Variants in SKIL observed in about 807,000 individuals in gnomAD.
The protein encoded by SKIL is SKI like proto-oncogene, also known as ski-like protein.
Under a neutral mutation model 69.6 loss-of-function variants are expected in SKIL, and 20 were observed. That is an observed-to-expected ratio of 0.29 (90% CI 0.20 to 0.42). SKIL has a LOEUF of 0.42. Among genes scored for constraint, SKIL ranks in the 10% least tolerant of loss-of-function variants. The pLI, the probability that SKIL is intolerant of heterozygous loss-of-function variation, is 1.00. For synonymous variants in SKIL, 310 were observed against 279.9 expected (o/e 1.11, Z -1.08); for missense variants, 745 against 783.1 (o/e 0.95, Z 0.58).
rs1299200902 is a variant in SKIL at position 170,360,773 on chromosome 3, G to A, written c.442G>A (p.Val148Met). Reference protein sequence around the residue: ...SDSSTELTQTVLEGESISCFQ... With the variant: ...SDSSTELTQTMLEGESISCFQ... Reference sequence around the variant, plus strand: ...TAGCTCCACAGAACTCACTCAGACTGTGTTGGAAGGGGAATCTATTTCTTG... The same window carrying A: ...TAGCTCCACAGAACTCACTCAGACTATGTTGGAAGGGGAATCTATTTCTTG... The change falls in exon 2 of 7, where the codon GTG becomes ATG. Residue 148 changes from valine to methionine, a missense_variant. Physicochemically the swap from Val to Met is conservative, Grantham distance 21. Transcript: ENST00000259119. 3.2e-5 allele frequency: 51 copies of A among 1,614,048 alleles called. No homozygotes were observed. Among genetic ancestry groups the A allele is most frequent in the Non-Finnish European group, 4.2e-5 (49 of 1,180,042 alleles).
Position 170,392,507 on chromosome 3 carries a change from T to A in SKIL, c.*90T>A. On this transcript the variant is annotated 3_prime_UTR_variant, in exon 7 of 7. Transcript: ENST00000259119. ...GTAATTGAATTCTGAAGAATTTATC[T>A]GCATGACGATAACTAGGCATTCTAT... 1 of 740,712 alleles carries A rather than the reference T, an allele frequency of 1.4e-6. No homozygotes were observed. The highest frequency in any genetic ancestry group is 2.1e-6 in the Non-Finnish European group (1 of 467,144). 45.9% of individuals were successfully genotyped at this position (740,712 alleles called of 1,614,324 possible).
intron 1 of SKIL, among the ~76,000 whole-genome samples, chr3:170,358,207 C>CG (rs1178076306): frequency 3.3e-5 from 5 of 152,146 alleles, no homozygotes; most frequent in African/African-American, 1.2e-4. Flanking sequence ...CGTTCTGGCC[C>CG]GGGGCTGGCG....
intron 2 of SKIL, among the ~76,000 whole-genome samples, chr3:170,362,415 T>C (rs1736288107): frequency 6.6e-6 from 1 of 151,964 alleles, no homozygotes; most frequent in Non-Finnish European, 1.5e-5. Flanking sequence ...GGCAGGAGAA[T>C]CGCTTGAACC....
chr3:170,361,561 T>C, intron 2 of SKIL, 132 bp downstream of exon 2: 1 of 746,336 alleles, frequency 1.3e-6, no homozygotes, highest in Non-Finnish European at 2.2e-6. Flanking sequence ...GATTGATATA[T>C]TTGTATTGCA....
At chr3:170,378,885 T>TTTATTTATTTA (rs1560215352) in intron 2 of SKIL, among the ~76,000 whole-genome samples, 20 of 145,166 alleles carry the variant, frequency 1.4e-4, no homozygotes, top group African/African-American at 5.6e-4. Context: ...TTATTTATTT[T>TTTATTTATTTA]TTTTATCTTG....
intron 2 of SKIL, among the ~76,000 whole-genome samples, chr3:170,373,072 C>T (rs1736866436): frequency 6.6e-6 from 1 of 151,332 alleles, no homozygotes; most frequent in Non-Finnish European, 1.5e-5. Context: ...ACAGCAACCT[C>T]GACAACCTCC....
rs950462004 is a variant in SKIL at position 170,395,445 on chromosome 3, C to A, written c.*3028C>A. On this transcript the variant is annotated 3_prime_UTR_variant, in exon 7 of 7. Coordinates refer to ENST00000259119, the MANE Select transcript of SKIL (RefSeq NM_005414.5). ...CAGTTAAGATATAAAATCATTTGTA[C>A]ATAGCGAATTGTAAAGCAGCTATTA... 4 of 152,054 alleles carry A rather than the reference C, an allele frequency of 2.6e-5. No homozygotes were observed. The highest frequency in any genetic ancestry group is 9.7e-5 in the African/African-American group (4 of 41,436). The allele number at this position is 152,054 out of a possible 1,614,324, so 9.4% of individuals were successfully genotyped here.
chr3:170,377,090 T>C (rs2108208709), intron 2 of SKIL, among the ~76,000 whole-genome samples: 1 of 152,314 alleles, frequency 6.6e-6, no homozygotes, highest in Admixed American at 6.5e-5. Context: ...AGTATTTCTG[T>C]TGCCAGAAGT....
At position 170,391,043 on chromosome 3, in the gene SKIL, A is replaced by G; in HGVS notation, c.1679A>G (p.Lys560Arg). 1 of 1,530,504 alleles carries G rather than the reference A, an allele frequency of 6.5e-7. No homozygotes were observed. The highest frequency in any genetic ancestry group is 9.0e-7 in the Non-Finnish European group (1 of 1,114,490). The allele number at this position is 1,530,504 out of a possible 1,614,324, so 94.8% of individuals were successfully genotyped here. ...TGATTCTTTACATTACAGGAAGTAA[A>G]AATGTTGAGTAGTTCAAAATCTATG... Reference protein sequence around the residue: ...QKKQQLQMEVKMLSSSKSMKE... With the variant: ...QKKQQLQMEVRMLSSSKSMKE... Residue 560 changes from lysine to arginine, a missense_variant, in exon 6 of 7, where the codon AAA becomes AGA. Lys to Arg is a conservative substitution (Grantham distance 26). Coordinates refer to ENST00000259119, the MANE Select transcript of SKIL (RefSeq NM_005414.5).
At chr3:170,380,778 G>A (rs1293662357) in intron 2 of SKIL, among the ~76,000 whole-genome samples, 2 of 152,160 alleles carry the variant, frequency 1.3e-5, no homozygotes, top group Non-Finnish European at 2.9e-5. Flanking sequence ...GTGTCTCTGA[G>A]TTTCAGGTGA....
intron 3 of SKIL, among the ~76,000 whole-genome samples, chr3:170,384,223 G>C (rs1162363305): frequency 6.6e-6 from 1 of 152,042 alleles, no homozygotes; most frequent in Non-Finnish European, 1.5e-5. Flanking sequence ...AGCTACCTGG[G>C]ATGCTGAGGC....
intron 2 of SKIL, among the ~76,000 whole-genome samples, chr3:170,366,694 C>G (rs542555093): frequency 9.1e-6 from 1 of 109,616 alleles, no homozygotes; most frequent in African/African-American, 3.2e-5. Flanking sequence ...CACACACACA[C>G]AGACACACAC....
At position 170,393,885 on chromosome 3, in the gene SKIL, G is replaced by T. The variant is rs1268566203; in HGVS notation, c.*1468G>T. The T allele has an allele frequency of 6.6e-6, 1 of 151,982 alleles. No individual in the cohort carries two copies. The highest frequency in any genetic ancestry group is 1.5e-5 in the Non-Finnish European group (1 of 67,976). 9.4% of individuals were successfully genotyped at this position (151,982 alleles called of 1,614,324 possible). A position where few individuals can be genotyped will look rare whatever the true frequency, so the allele number is the denominator to read the frequency against. ...GGTAGATAATCTAATGGTGTAGAAAGAATCACTAGGTTGTCATTTAACCAG... is the reference window on the plus strand; with the variant it reads ...GGTAGATAATCTAATGGTGTAGAAATAATCACTAGGTTGTCATTTAACCAG... On this transcript the variant is annotated 3_prime_UTR_variant, in exon 7 of 7. Coordinates refer to ENST00000259119, the MANE Select transcript of SKIL (RefSeq NM_005414.5).
At chr3:170,358,013 CGGCAGGGCAGGGCGCT>C (rs1266608118) in intron 1 of SKIL, among the ~76,000 whole-genome samples, 1 of 152,098 alleles carries the variant, frequency 6.6e-6, no homozygotes, top group Non-Finnish European at 1.5e-5. Flanking sequence ...CGGTGGGCGC[CGGCAGGGCAGGGCGCT>C]GTAGTTGACG....
chr3:170,379,122 T>G (rs925836404), intron 2 of SKIL, among the ~76,000 whole-genome samples: 1 of 149,566 alleles, frequency 6.7e-6, no homozygotes, highest in Admixed American at 6.7e-5. Flanking sequence ...TGATCCACCC[T>G]TCTCGTACCA....
chr3:170,376,042 C>CTTTTTTTTTTTTTTTTTTTTTTT (rs869036195), intron 2 of SKIL, among the ~76,000 whole-genome samples: 1 of 89,130 alleles, frequency 1.1e-5, no homozygotes, highest in Non-Finnish European at 2.1e-5. Context: ...GCTGATTTTC[C>CTTTTTTTTTTTTTTTTTTTTTTT]TTTTTTTTTT....
At chr3:170,358,119 C>T (rs1263427604) in intron 1 of SKIL, among the ~76,000 whole-genome samples, 1 of 152,174 alleles carries the variant, frequency 6.6e-6, no homozygotes, top group Non-Finnish European at 1.5e-5. Context: ...CGGGGATGCC[C>T]TGGTCTCGAC....
chr3:170,375,961 C>A (rs1024515426), intron 2 of SKIL, among the ~76,000 whole-genome samples: 10 of 151,190 alleles, frequency 6.6e-5, no homozygotes, highest in Admixed American at 4.6e-4. Flanking sequence ...AGATATAACA[C>A]TTATTTAAAG....
intron 2 of SKIL, among the ~76,000 whole-genome samples, chr3:170,361,884 C>T (rs1736258544): frequency 6.6e-6 from 1 of 152,072 alleles, no homozygotes; most frequent in Non-Finnish European, 1.5e-5. Context: ...TGTGTCCAGC[C>T]AGGGCTTCTT....
Sources: gnomAD v4.1 joint callset for allele counts (sites outside exome capture counted in the v4.1 genomes callset) on GRCh38, gnomAD v4.1.1 for gene constraint, MANE v1.5 for transcripts, NCBI Gene and HGNC (gene_info 2026-07-23, HGNC 2026-07-21) for gene names.